ATCAY: variants seen among roughly 807,000 people sequenced by gnomAD.
The protein encoded by ATCAY is ATCAY kinesin light chain interacting caytaxin, also known as caytaxin.
In ATCAY, 22 loss-of-function variants were observed where a neutral mutation model predicts 47.7. That is an observed-to-expected ratio of 0.46 (90% CI 0.33 to 0.66). The LOEUF (loss-of-function observed/expected upper bound fraction) is 0.66. Among genes scored for constraint, ATCAY ranks in the 30% least tolerant of loss-of-function variants. The pLI is 0.02. For missense variants in ATCAY, 452 were observed against 515.0 expected (o/e 0.88, Z 1.18); for synonymous variants, 216 against 207.6 (o/e 1.04, Z -0.35).
rs1467418988 is a variant in ATCAY at position 3,924,698 on chromosome 19, CAA to C, written c.*107_*108del. ...TCTCATCCTGCCTCATCCTGAGTCC[CAA>C]TCTTCCAAGGGTGCCAGCCCCTCCG... On this transcript the variant is annotated 3_prime_UTR_variant, in exon 13 of 13. Transcript: ENST00000450849. 2 of 1,274,546 alleles carry C rather than the reference CAA, an allele frequency of 1.6e-6. No individual in the cohort carries two copies. Among genetic ancestry groups the C allele is most frequent in the Non-Finnish European group, 2.2e-6 (2 of 893,224 alleles). The allele number at this position is 1,274,546 out of a possible 1,614,324, so 79.0% of individuals were successfully genotyped here. A position where few individuals can be genotyped will look rare whatever the true frequency, so the allele number is the denominator to read the frequency against.
At chr19:3,902,838 A>G (rs2038827290) in intron 3 of ATCAY, among the ~76,000 whole-genome samples, 1 of 152,216 alleles carries the variant, frequency 6.6e-6, no homozygotes, top group South Asian at 2.1e-4. Flanking sequence ...CAGAGGGGGC[A>G]TGTAAGGATT....
At chr19:3,906,304 G>GTT (rs59261448) in intron 4 of ATCAY, among the ~76,000 whole-genome samples, 31 of 135,280 alleles carry the variant, frequency 2.3e-4, no homozygotes, top group African/African-American at 3.3e-4. Flanking sequence ...TCCTGCGACT[G>GTT]TTTTTTTTTT....
chr19:3,899,414 A>G (rs2038796484), intron 2 of ATCAY, among the ~76,000 whole-genome samples: 1 of 149,340 alleles, frequency 6.7e-6, no homozygotes, highest in African/African-American at 2.5e-5. Context: ...CCAGGGTTCA[A>G]GTGATTCTCC....
In ATCAY at chr19:3,927,485, T is replaced by C. The variant is rs1568456292; in HGVS notation, c.*2893T>C. The C allele has an allele frequency of 1.3e-5, 2 of 151,948 alleles. No homozygotes were observed. Among genetic ancestry groups the C allele is most frequent in the Non-Finnish European group, 2.9e-5 (2 of 68,004 alleles). 9.4% of individuals were successfully genotyped at this position (151,948 alleles called of 1,614,324 possible). On this transcript the variant is annotated 3_prime_UTR_variant, in exon 13 of 13. Coordinates refer to ENST00000450849, the MANE Select transcript of ATCAY (RefSeq NM_033064.5). ...CCCAATCGGACACCTAATAATTGAGTGTCTACAGCAGCAATCAAGTGACAA... is the reference window on the plus strand; with the variant it reads ...CCCAATCGGACACCTAATAATTGAGCGTCTACAGCAGCAATCAAGTGACAA...
chr19:3,907,996 C>T lies in ATCAY; in HGVS notation c.544+77C>T. ...CAACAGGGGGTTCGTCAGTGCCCCTCTCTGATGCACGGGGATGTTAAGCCG... is the reference window on the plus strand; with the variant it reads ...CAACAGGGGGTTCGTCAGTGCCCCTTTCTGATGCACGGGGATGTTAAGCCG... On this transcript the variant is annotated intron_variant, in intron 5 of 12. Coordinates refer to ENST00000450849, the MANE Select transcript of ATCAY (RefSeq NM_033064.5). This position sits in a 1 kb window ranked among gnomAD's most constrained non-coding sequence, Gnocchi z 5.1. 6.7e-7 allele frequency: 1 copy of T among 1,494,438 alleles called. No individual in the cohort carries two copies. The highest frequency in any genetic ancestry group is 9.2e-7 in the Non-Finnish European group (1 of 1,092,164). The allele number at this position is 1,494,438 out of a possible 1,614,324, so 92.6% of individuals were successfully genotyped here.
intron 2 of ATCAY, among the ~76,000 whole-genome samples, chr19:3,891,205 C>T (rs1050943757): frequency 2.6e-5 from 4 of 152,108 alleles, no homozygotes; most frequent in African/African-American, 9.7e-5. Context: ...GTACGCACCA[C>T]CATGCCTGGC....
rs1324106644 is a variant in ATCAY at position 3,927,489 on chromosome 19, T to G, written c.*2897T>G. On this transcript the variant is annotated 3_prime_UTR_variant, in exon 13 of 13. Coordinates refer to ENST00000450849, the MANE Select transcript of ATCAY (RefSeq NM_033064.5). Reference sequence around the variant, plus strand: ...ATCGGACACCTAATAATTGAGTGTCTACAGCAGCAATCAAGTGACAAGTGA... The same window carrying G: ...ATCGGACACCTAATAATTGAGTGTCGACAGCAGCAATCAAGTGACAAGTGA... 3 of 152,178 alleles carry G rather than the reference T, an allele frequency of 2.0e-5. No homozygotes were observed. The highest frequency in any genetic ancestry group is 7.2e-5 in the African/African-American group (3 of 41,442). The allele number at this position is 152,178 out of a possible 1,614,324, so 9.4% of individuals were successfully genotyped here.
rs2039064979 is a variant in ATCAY, at chr19:3,926,201, G to A, written c.*1609G>A. ...CATGCCTGTAATCCCAGCTACTCGG[G>A]AGGCTGAGGCAGGAGAACTGCTTGA... On this transcript the variant is annotated 3_prime_UTR_variant, in exon 13 of 13. Transcript: ENST00000450849. 1 of 152,008 alleles carries A rather than the reference G, an allele frequency of 6.6e-6. No homozygotes were observed. Among genetic ancestry groups the A allele is most frequent in the African/African-American group, 2.4e-5 (1 of 41,354 alleles). 9.4% of individuals were successfully genotyped at this position (152,008 alleles called of 1,614,324 possible).
At chr19:3,901,427 A>G (rs2038815300) in intron 2 of ATCAY, among the ~76,000 whole-genome samples, 1 of 152,078 alleles carries the variant, frequency 6.6e-6, no homozygotes, top group Non-Finnish European at 1.5e-5. Context: ...TGGTTGACTC[A>G]GGTTTTTGTG....
chr19:3,905,640 G>T lies in ATCAY; in HGVS notation c.343G>T (p.Glu115Ter). Residue 115 changes from glutamate to a stop codon, truncating the protein, a stop_gained, in exon 4 of 13, where the codon GAA becomes TAA. Transcript: ENST00000450849. LOFTEE classifies it high-confidence loss of function. ...DSLEFLGNGN[E>*]LEWEDDTPVA... ...GCTGGAGTTCCTGGGGAATGGCAAC[G>T]AACTGGAGTGGGAAGGTAAAGTTCA... 1 of 1,613,470 alleles carries T rather than the reference G, an allele frequency of 6.2e-7. No individual in the cohort carries two copies. Among genetic ancestry groups the T allele is most frequent in the Non-Finnish European group, 8.5e-7 (1 of 1,179,746 alleles).
In ATCAY at chr19:3,927,482, G is replaced by T. The variant is rs1377910948; in HGVS notation, c.*2890G>T. Reference sequence around the variant, plus strand: ...CCACCCAATCGGACACCTAATAATTGAGTGTCTACAGCAGCAATCAAGTGA... The same window carrying T: ...CCACCCAATCGGACACCTAATAATTTAGTGTCTACAGCAGCAATCAAGTGA... On this transcript the variant is annotated 3_prime_UTR_variant, in exon 13 of 13. Transcript: ENST00000450849. 1 of 152,206 alleles carries T rather than the reference G, an allele frequency of 6.6e-6. No individual in the cohort carries two copies. The highest frequency in any genetic ancestry group is 1.5e-5 in the Non-Finnish European group (1 of 68,062). The allele number at this position is 152,206 out of a possible 1,614,324, so 9.4% of individuals were successfully genotyped here. A position where few individuals can be genotyped will look rare whatever the true frequency, so the allele number is the denominator to read the frequency against.
chr19:3,904,010 G>T (rs143172053), intron 3 of ATCAY, among the ~76,000 whole-genome samples: 1 of 150,486 alleles, frequency 6.6e-6, no homozygotes, highest in African/African-American at 2.5e-5. Context: ...AAAATTAGCC[G>T]GGCATTGTGG....
intron 9 of ATCAY, 66 bp from the exon 10 acceptor site, chr19:3,917,676 A>T: frequency 1.3e-6 from 2 of 1,572,238 alleles, no homozygotes; most frequent in Non-Finnish European, 1.7e-6. Context: ...AAGGAAAGGG[A>T]TTTCCCCAAA....
Position 3,913,859 on chromosome 19 carries a change from G to T in ATCAY, c.965+3G>T, listed in dbSNP as rs2038943096. ...CAGATCCCAGACTGCGTCCTGCAGTGAGTGGCCCCACAGTCCACCCCGCCG... is the reference window on the plus strand; with the variant it reads ...CAGATCCCAGACTGCGTCCTGCAGTTAGTGGCCCCACAGTCCACCCCGCCG... On this transcript the variant is annotated splice_donor_region_variant and intron_variant, in intron 9 of 12. Transcript: ENST00000450849. 6.2e-7 allele frequency: 1 copy of T among 1,609,514 alleles called. No homozygotes were observed. Among genetic ancestry groups the T allele is most frequent in the Non-Finnish European group, 8.5e-7 (1 of 1,177,150 alleles).
At chr19:3,910,999 C>CTG (rs139307304) in intron 8 of ATCAY, 110 bp downstream of exon 8, 40 of 1,205,382 alleles carry the variant, frequency 3.3e-5, no homozygotes, top group Non-Finnish European at 4.1e-5. Flanking sequence ...GTGTGTGCAT[C>CTG]TGTGTGTGTG....
chr19:3,924,060 G>GTGGA (rs371359538), intron 12 of ATCAY, among the ~76,000 whole-genome samples: 1,765 of 147,840 alleles, frequency 0.012, 37 homozygotes, highest in African/African-American at 0.041. Flanking sequence ...GGATAGGTGG[G>GTGGA]TGGATGGATG....
At chr19:3,916,449 A>G (rs952055299) in intron 9 of ATCAY, among the ~76,000 whole-genome samples, 3 of 151,998 alleles carry the variant, frequency 2.0e-5, no homozygotes, top group Non-Finnish European at 4.4e-5. Flanking sequence ...AATTGCTGAT[A>G]ATTCTGTTTT....
intron 9 of ATCAY, among the ~76,000 whole-genome samples, chr19:3,915,096 A>AACGT (rs2038955514): frequency 6.6e-6 from 1 of 152,124 alleles, no homozygotes; most frequent in Non-Finnish European, 1.5e-5. Context: ...AATCTCCTTA[A>AACGT]ACGTACATTT....
At chr19:3,921,832 G>A (rs925587427) in intron 12 of ATCAY, among the ~76,000 whole-genome samples, 4 of 151,998 alleles carry the variant, frequency 2.6e-5, no homozygotes, top group African/African-American at 9.7e-5. Context: ...GGGAGGCGGA[G>A]GTTGCAGTGA....
Sources: gnomAD v4.1 joint callset for allele counts (sites outside exome capture counted in the v4.1 genomes callset) on GRCh38, gnomAD v4.1.1 for gene constraint, Gnocchi (gnomAD v3.1) non-coding constraint, MANE v1.5 for transcripts, NCBI Gene and HGNC (gene_info 2026-07-23, HGNC 2026-07-21) for gene names.